Variants in CASD1 observed in about 807,000 individuals in gnomAD.
CASD1 encodes N-acetylneuraminate (7)9-O-acetyltransferase.
CASD1 carries 41 observed loss-of-function variants against 100.0 expected under a neutral mutation model. The observed-to-expected ratio is 0.41, with a 90% CI of 0.32 to 0.53. CASD1 has a LOEUF of 0.53. Among genes scored for constraint, CASD1 ranks in the 20% least tolerant of loss-of-function variants. The pLI is 0.25. For missense variants in CASD1, 774 were observed against 948.7 expected (o/e 0.82, Z 2.42); for synonymous variants, 321 against 315.6 (o/e 1.02, Z -0.18).
chr7:94,587,724 A>G, the CASD1 span: 7 of 1,535,030 alleles, frequency 4.6e-6, no homozygotes, highest in Non-Finnish European at 6.1e-6. Context: ...GTAGGGAAAA[A>G]TTCTGATAAA....
chr7:94,555,729 T>C lies in CASD1; in HGVS notation c.2365T>C (p.Ser789Pro), dbSNP rs1166047597. The C allele has an allele frequency of 2.5e-6, 4 of 1,613,050 alleles. No individual in the cohort carries two copies. Among genetic ancestry groups the C allele is most frequent in the South Asian group, 2.2e-5 (2 of 91,036 alleles). ...AAFFCGLLIL[S>P]SIQDKSKH The stretch of plus-strand genomic sequence containing the variant: ...ATTTTTTTGTGGACTCCTCATCTTA[T>C]CATCCATTCAAGATAAATCAAAACA... The change falls in exon 18 of 18, where the codon TCA becomes CCA. Residue 789 changes from serine to proline, a missense_variant. Physicochemically the swap from Ser to Pro is moderately conservative, Grantham distance 74. Coordinates refer to ENST00000297273, the MANE Select transcript of CASD1 (RefSeq NM_022900.5).
At chr7:94,550,647 C>T (rs565168058) in intron 14 of CASD1, among the ~76,000 whole-genome samples, 3 of 152,098 alleles carry the variant, frequency 2.0e-5, no homozygotes, top group African/African-American at 7.2e-5. Flanking sequence ...ACTCTGTCCT[C>T]ATGTGCTGCA....
chr7:94,518,976 C>T (rs560278907), intron 3 of CASD1, among the ~76,000 whole-genome samples: 100 of 152,088 alleles, frequency 6.6e-4, no homozygotes, highest in Middle Eastern at 3.4e-3. Context: ...GGTTAAAGAA[C>T]ATAAACATTT....
chr7:94,567,426 C>T, the CASD1 span, among the ~76,000 whole-genome samples: 1 of 152,106 alleles, frequency 6.6e-6, no homozygotes, highest in African/African-American at 2.4e-5. Context: ...AAAAGAAAGA[C>T]ATATTATTGA....
chr7:94,604,806 A>AATATATAT, the CASD1 span, among the ~76,000 whole-genome samples: 227 of 44,270 alleles, frequency 5.1e-3, 2 homozygotes, highest in Middle Eastern at 0.011. Flanking sequence ...ATGGTGCTGG[A>AATATATAT]ATATATATAT....
chr7:94,628,593 AT>A, the CASD1 span: 2 of 497,416 alleles, frequency 4.0e-6, no homozygotes, highest in South Asian at 4.4e-5. Context: ...GATTCATACA[AT>A]TTTCTTGGAA....
At chr7:94,587,984 G>A in the CASD1 span, 7 of 1,409,166 alleles carry the variant, frequency 5.0e-6, no homozygotes, top group Non-Finnish European at 6.4e-6. Flanking sequence ...AACTTCTCTT[G>A]CTTTTCCAAA....
the CASD1 span, chr7:94,585,503 G>A: frequency 7.5e-6 from 12 of 1,605,420 alleles, no homozygotes; most frequent in South Asian, 4.4e-5. Flanking sequence ...CTTTCTTCAG[G>A]GATACCATTT....
At chr7:94,565,762 T>C in the CASD1 span, among the ~76,000 whole-genome samples, 1 of 152,190 alleles carries the variant, frequency 6.6e-6, no homozygotes, top group South Asian at 2.1e-4. Flanking sequence ...TCTAACCATA[T>C]ACATTCTCAG....
chr7:94,572,099 T>A, the CASD1 span, among the ~76,000 whole-genome samples: 1 of 152,128 alleles, frequency 6.6e-6, no homozygotes, highest in Admixed American at 6.5e-5. Context: ...CCCTTAACAT[T>A]TTTTCTTTCA....
At chr7:94,615,373 G>C in the CASD1 span, among the ~76,000 whole-genome samples, 1 of 36,990 alleles carries the variant, frequency 2.7e-5, no homozygotes, top group African/African-American at 1.3e-4. Flanking sequence ...TAAATAGATA[G>C]ATAGATAGAT....
chr7:94,554,695 C>A, intron 17 of CASD1, 120 bp downstream of exon 17: 1 of 551,518 alleles, frequency 1.8e-6, no homozygotes. Context: ...GTACTTTTTT[C>A]TAAACTGAAG....
At chr7:94,533,597 C>A in intron 6 of CASD1, 82 bp from the exon 7 acceptor site, 1 of 992,382 alleles carries the variant, frequency 1.0e-6, no homozygotes, top group Non-Finnish European at 1.4e-6. Flanking sequence ...AAAATAATAA[C>A]ACTTGTTACA....
At chr7:94,559,686 T>G (rs947200920), downstream of CASD1, among the ~76,000 whole-genome samples, 1 of 152,014 alleles carries the variant, frequency 6.6e-6, no homozygotes, top group African/African-American at 2.4e-5. Context: ...CCACCATGCC[T>G]GGCTAATTTT....
Position 94,528,183 on chromosome 7 carries a change from T to C in CASD1, c.397-5T>C, listed in dbSNP as rs1347334065. On this transcript the variant is annotated splice_polypyrimidine_tract_variant and splice_region_variant and intron_variant, in intron 4 of 17. Coordinates refer to ENST00000297273, the MANE Select transcript of CASD1 (RefSeq NM_022900.5). The stretch of plus-strand genomic sequence containing the variant: ...TTTTCTTTACTTCTAACATTTCTCT[T>C]TTAGGATTTTCTGTGGCATCCTGAA... 3 of 1,598,684 alleles carry C rather than the reference T, an allele frequency of 1.9e-6. No homozygotes were observed. The highest frequency in any genetic ancestry group is 2.6e-6 in the Non-Finnish European group (3 of 1,168,758).
At chr7:94,529,039 A>G (rs919615712) in intron 5 of CASD1, among the ~76,000 whole-genome samples, 1 of 152,124 alleles carries the variant, frequency 6.6e-6, no homozygotes, top group African/African-American at 2.4e-5. Flanking sequence ...GAACCTAGCC[A>G]CCATTTCTAA....
At chr7:94,588,292 G>A in the CASD1 span, 1 of 1,067,510 alleles carries the variant, frequency 9.4e-7, no homozygotes, top group Non-Finnish European at 1.1e-6. Context: ...TCAGTGATTA[G>A]TCACAATGGT....
At chr7:94,561,415 C>T (rs1796337718), downstream of CASD1, among the ~76,000 whole-genome samples, 1 of 152,140 alleles carries the variant, frequency 6.6e-6, no homozygotes, top group African/African-American at 2.4e-5. Context: ...CAGGAAACCA[C>T]AGTACTCAAA....
In CASD1 at chr7:94,535,418, T is replaced by G; in HGVS notation, c.738T>G (p.Asn246Lys). 1 of 1,613,498 alleles carries G rather than the reference T, an allele frequency of 6.2e-7. No homozygotes were observed. Among genetic ancestry groups the G allele is most frequent in the Non-Finnish European group, 8.5e-7 (1 of 1,179,616 alleles). Residue 246 changes from asparagine to lysine, a missense_variant, in exon 8 of 18, where the codon AAT becomes AAG. Asn to Lys is a moderately conservative substitution (Grantham distance 94, BLOSUM62 0). Transcript: ENST00000297273. The part of the protein sequence containing the change: ...AVSILNSSTR[N>K]SKSNVKMFSV... ...GTATTTTGAATAGTAGCACCAGAAATTCTAAATCAAATGTTAAGATGTTCA... is the reference window on the plus strand; with the variant it reads ...GTATTTTGAATAGTAGCACCAGAAAGTCTAAATCAAATGTTAAGATGTTCA...
Sources: gnomAD v4.1 joint callset for allele counts (sites outside exome capture counted in the v4.1 genomes callset) on GRCh38, gnomAD v4.1.1 for gene constraint, MANE v1.5 for transcripts, NCBI Gene and HGNC (gene_info 2026-07-23, HGNC 2026-07-21) for gene names.